Variants in SAMD11 observed in about 807,000 individuals in gnomAD.
SAMD11 encodes sterile alpha motif domain containing 11, also known as sterile alpha motif domain-containing protein 11.
SAMD11 carries 77 observed loss-of-function variants against 64.4 expected under a neutral mutation model. The observed-to-expected ratio is 1.20, with a 90% CI of 0.99 to 1.44. The LOEUF (loss-of-function observed/expected upper bound fraction) is 1.44. SAMD11 is among the 40% of genes most tolerant of loss of function. The pLI, the probability that SAMD11 is intolerant of heterozygous loss-of-function variation, is 0.00. For synonymous variants in SAMD11, 658 were observed against 421.9 expected (o/e 1.56, Z -6.86); for missense variants, 1,402 against 943.3 (o/e 1.49, Z -6.37).
chr1:942,509 G>A, intron 10 of SAMD11, 21 bp downstream of exon 10: 1 of 1,447,024 alleles, frequency 6.9e-7, no homozygotes, highest in Non-Finnish European at 9.0e-7. Context: ...GGAGGCGGGC[G>A]GGGCCGCGCG....
intron 7 of SAMD11, 90 bp downstream of exon 7, chr1:939,502 C>G (rs1329072947): frequency 6.3e-7 from 1 of 1,583,354 alleles, no homozygotes; most frequent in Non-Finnish European, 8.6e-7. Flanking sequence ...ATCACCTCCC[C>G]AGCCACATGT....
rs756340447 is a variant in SAMD11, at chr1:944,080, C to T, written c.2462C>T (p.Thr821Ile). 1.2e-5 allele frequency: 19 copies of T among 1,612,588 alleles called. No homozygotes were observed. The highest frequency in any genetic ancestry group is 1.6e-5 in the Non-Finnish European group (19 of 1,179,906). ...GGGGGCCACGCCCTTGCCGGTCAAA[C>T]TTCACCCAAGCAGGAGAATGGGACC... ...YGGGHALAGQ[T>I]SPKQENGTLA... is the part of the protein sequence containing the mutation. Residue 821 changes from threonine to isoleucine, a missense_variant, in exon 14 of 14, where the codon ACT (threonine) becomes ATT (isoleucine). By Grantham distance (89) the Thr-to-Ile change is moderately conservative. Transcript: ENST00000616016.
intron 3 of SAMD11, among the ~76,000 whole-genome samples, chr1:930,783 T>C (rs577488943): frequency 5.6e-4 from 86 of 152,342 alleles, no homozygotes; most frequent in Non-Finnish European, 1.1e-3. Context: ...AGAAGGGGCC[T>C]CGGTCCTGTT....
At chr1:931,144 C>G in intron 4 of SAMD11, 55 bp downstream of exon 4, 1 of 1,521,286 alleles carries the variant, frequency 6.6e-7, no homozygotes, top group African/African-American at 1.4e-5. Context: ...CTCCCTCCCT[C>G]CCACCCCTGA....
At position 934,934 on chromosome 1, in the gene SAMD11, GGGGGGCGGC is replaced by G. The variant is rs1161890646; in HGVS notation, c.843-837_843-829del. Among the ~76,000 whole-genome samples the G allele has an allele frequency of 7.4e-4, 85 of 115,196 alleles. 3 individuals are homozygous for G. Among genetic ancestry groups the G allele is most frequent in the African/African-American group, 2.7e-3 (83 of 31,152 alleles). The allele number at this position is 115,196 out of a possible 152,430, so 75.6% of individuals were successfully genotyped here. A position where few individuals can be genotyped will look rare whatever the true frequency, so the allele number is the denominator to read the frequency against. ...AGGCGGCTGCGTTACAGGTGGGCGG[GGGGGGCGGC>G]TGCGTTACAGGTGGGCGGGCGGTGC... is the stretch of plus-strand genomic sequence containing the variant. On this transcript the variant is annotated intron_variant, in intron 4 of 13. Transcript: ENST00000616016.
intron 7 of SAMD11, chr1:940,304 C>CCCCG (rs1553159955): frequency 6.3e-5 from 9 of 143,776 alleles, no homozygotes; most frequent in African/African-American, 2.2e-4. Context: ...CCGCCCCCCC[C>CCCCG]CCCCGCCCCG....
chr1:929,695 C>T (rs1267336947), intron 2 of SAMD11, among the ~76,000 whole-genome samples: 1 of 152,184 alleles, frequency 6.6e-6, no homozygotes, highest in Non-Finnish European at 1.5e-5. Context: ...AGGAGACACG[C>T]AGGGGCCCTA....
At chr1:942,098 G>T (rs1481358650) in intron 8 of SAMD11, 38 bp from the exon 9 acceptor site, 1 of 618,588 alleles carries the variant, frequency 1.6e-6, no homozygotes, top group Non-Finnish European at 2.6e-6. Context: ...CGGGAACGGG[G>T]GCGGGGGGGA....
chr1:935,679 C>T (rs1287651376), intron 4 of SAMD11, 93 bp from the exon 5 acceptor site: 2 of 1,544,598 alleles, frequency 1.3e-6, no homozygotes, highest in Non-Finnish European at 1.8e-6. Flanking sequence ...CATCCCCACG[C>T]TCACACACAG....
Position 926,482 on chromosome 1 carries a change from G to A in SAMD11, c.609+469G>A, listed in dbSNP as rs535183174. On this transcript the variant is annotated intron_variant, in intron 2 of 13. Transcript: ENST00000616016. The stretch of plus-strand genomic sequence containing the variant: ...GTGACTTGTGTCTCTGGGTGCTGAA[G>A]GCCAGAGGGTGCAAGGGCCTGGACG... Among the ~76,000 whole-genome samples the A allele has an allele frequency of 1.7e-3, 256 of 152,324 alleles. 2 individuals carry two copies. Among genetic ancestry groups the A allele is most frequent in the Admixed American group, 8.2e-3 (126 of 15,312 alleles).
intron 2 of SAMD11, among the ~76,000 whole-genome samples, chr1:927,000 T>C (rs1428178641): frequency 6.6e-6 from 1 of 151,960 alleles, no homozygotes; most frequent in Admixed American, 6.6e-5. Flanking sequence ...ATGAGTGCCG[T>C]AGCCAGGGAG....
intron 2 of SAMD11, among the ~76,000 whole-genome samples, chr1:928,370 C>A (rs547787199): frequency 2.6e-5 from 4 of 152,138 alleles, no homozygotes; most frequent in Non-Finnish European, 1.5e-5. Flanking sequence ...CCAGCCTGGG[C>A]AACAGAGTGA....
intron 1 of SAMD11, chr1:925,720 G>C: frequency 1.9e-6 from 1 of 528,560 alleles, no homozygotes; most frequent in South Asian, 2.1e-5. Context: ...CGCTCCACCC[G>C]GGCTGGAGTT....
intron 3 of SAMD11, 53 bp from the exon 4 acceptor site, chr1:930,986 C>T: frequency 6.4e-7 from 1 of 1,571,822 alleles, no homozygotes; most frequent in Non-Finnish European, 8.7e-7. Flanking sequence ...TATCCTGAGG[C>T]TGGGGTCAGG....
chr1:941,140 C>A lies in SAMD11; in HGVS notation c.1196-4C>A. 1 of 1,595,426 alleles carries A rather than the reference C, an allele frequency of 6.3e-7. No homozygotes were observed. Among genetic ancestry groups the A allele is most frequent in the Non-Finnish European group, 8.5e-7 (1 of 1,172,048 alleles). ...GGGGATCACTGCTGTTGTCCCCCAC[C>A]CAGATCTCCTGAGGGTCCGGCAGGA... On this transcript the variant is annotated splice_polypyrimidine_tract_variant and splice_region_variant and intron_variant, in intron 7 of 13. Coordinates refer to ENST00000616016, the MANE Select transcript of SAMD11 (RefSeq NM_001385641.1).
chr1:938,648 C>T (rs1178331850), intron 5 of SAMD11, among the ~76,000 whole-genome samples: 1 of 152,012 alleles, frequency 6.6e-6, no homozygotes, highest in Non-Finnish European at 1.5e-5. Flanking sequence ...TGACCCTGCA[C>T]AGCCCGCCCT....
intron 2 of SAMD11, among the ~76,000 whole-genome samples, chr1:928,927 A>G (rs1450634595): frequency 6.6e-6 from 1 of 152,152 alleles, no homozygotes; most frequent in East Asian, 1.9e-4. Context: ...CCTCATCCCC[A>G]AGCTCCGGGC....
chr1:933,404 GC>G (rs948364220), intron 4 of SAMD11, among the ~76,000 whole-genome samples: 1 of 152,152 alleles, frequency 6.6e-6, no homozygotes, highest in Non-Finnish European at 1.5e-5. Context: ...AGGTGCCACT[GC>G]CCAGCCACAG....
chr1:926,613 A>G (rs1045598154), intron 2 of SAMD11, among the ~76,000 whole-genome samples: 2 of 152,082 alleles, frequency 1.3e-5, no homozygotes, highest in African/African-American at 2.4e-5. Context: ...CAAGGCCCCA[A>G]CCCAGGGTAG....
Sources: gnomAD v4.1 joint callset for allele counts (sites outside exome capture counted in the v4.1 genomes callset) on GRCh38, gnomAD v4.1.1 for gene constraint, MANE v1.5 for transcripts, NCBI Gene and HGNC (gene_info 2026-07-23, HGNC 2026-07-21) for gene names.